Variants in MAP3K3 observed in about 807,000 individuals in gnomAD.
MAP3K3 encodes MAP/ERK kinase kinase 3.
MAP3K3 carries 12 observed loss-of-function variants against 80.9 expected under a neutral mutation model. The ratio of observed to expected loss-of-function variants is 0.15; its 90% CI spans 0.10 to 0.24. MAP3K3 has a LOEUF of 0.24. MAP3K3 is among the 10% of genes least tolerant of loss of function. The pLI is 1.00. For synonymous variants in MAP3K3, 272 were observed against 307.1 expected, an observed-to-expected ratio of 0.89 and a Z score of 1.19; for missense variants, 596 against 834.7, an observed-to-expected ratio of 0.71 and a Z score of 3.52.
chr17:63,626,665 C>A (rs1397797452), intron 1 of MAP3K3, among the ~76,000 whole-genome samples: 1 of 152,190 alleles, frequency 6.6e-6, no homozygotes, highest in East Asian at 1.9e-4. Flanking sequence ...ATTGCATATA[C>A]TCATTGTAAA....
At chr17:63,675,702 T>A (rs2035205009) in intron 6 of MAP3K3, among the ~76,000 whole-genome samples, 1 of 152,228 alleles carries the variant, frequency 6.6e-6, no homozygotes, top group African/African-American at 2.4e-5. Flanking sequence ...ACAGTGGAAC[T>A]GCTACTGTGC....
At chr17:63,669,356 C>G (rs1440640889) in intron 6 of MAP3K3, among the ~76,000 whole-genome samples, 4 of 152,108 alleles carry the variant, frequency 2.6e-5, no homozygotes, top group Non-Finnish European at 5.9e-5. Context: ...AGAAAGGATG[C>G]CTGGGTGTTT....
intron 4 of MAP3K3, among the ~76,000 whole-genome samples, chr17:63,656,166 G>C (rs919301595): frequency 8.6e-5 from 13 of 151,934 alleles, no homozygotes; most frequent in African/African-American, 3.1e-4. Flanking sequence ...GGAGGCGGAG[G>C]TTGCTGTGAG....
chr17:63,691,263 C>T lies in MAP3K3; in HGVS notation c.1344+30C>T, dbSNP rs748062558. The T allele has an allele frequency of 1.2e-6, 2 of 1,613,704 alleles. No homozygotes were observed. Among genetic ancestry groups the T allele is most frequent in the East Asian group, 4.5e-5 (2 of 44,884 alleles). On this transcript the variant is annotated intron_variant, in intron 13 of 15. Transcript: ENST00000361733. The surrounding 1 kb of genome is among the most constrained non-coding windows in gnomAD (Gnocchi z 4.8). ...GTGCCCCTTGAATGCATGTGAGACA[C>T]ACACAAAAGAGGGCCTGACCTGGGG...
intron 2 of MAP3K3, among the ~76,000 whole-genome samples, chr17:63,635,639 G>A (rs1193728581): frequency 6.6e-6 from 1 of 152,178 alleles, no homozygotes; most frequent in African/African-American, 2.4e-5. Flanking sequence ...GGTATTTATA[G>A]CCTAGTATAA....
Position 63,689,868 on chromosome 17 carries a change from A to G in MAP3K3, c.1063+133A>G. 1.2e-6 allele frequency: 1 copy of G among 805,682 alleles called. No individual in the cohort carries two copies. The highest frequency in any genetic ancestry group is 1.9e-6 in the Non-Finnish European group (1 of 516,180). The allele number at this position is 805,682 out of a possible 1,614,324, so 49.9% of individuals were successfully genotyped here. ...TTGGCCCAAATGCACCACATGGGAT[A>G]AGCCTTGGAGTGTCTGAAGCCTGGC... On this transcript the variant is annotated intron_variant, in intron 11 of 15. Transcript: ENST00000361733. This position sits in a 1 kb window ranked among gnomAD's most constrained non-coding sequence, Gnocchi z 4.3.
rs142765877 is a variant in MAP3K3, at chr17:63,637,650, G to A, written c.126+4848G>A. Among the ~76,000 whole-genome samples, 29 of 152,318 alleles carry A rather than the reference G, an allele frequency of 1.9e-4. No homozygotes were observed. The East Asian group carries it at 5.6e-3, about 29-fold the overall frequency. ...AACTACAACTGTCCATAGTGTTGTG[G>A]AACTGAAAGGATTAAGGTTTTTCTC... On this transcript the variant is annotated intron_variant, in intron 2 of 15. Coordinates refer to ENST00000361733, the MANE Select transcript of MAP3K3 (RefSeq NM_002401.5).
chr17:63,645,924 C>T (rs2034532224), intron 2 of MAP3K3, 110 bp from the exon 3 acceptor site: 1 of 769,364 alleles, frequency 1.3e-6, no homozygotes, highest in Non-Finnish European at 2.3e-6. Context: ...CAGGAGCCAT[C>T]AGGGATGTAT....
chr17:63,692,208 C>T lies in MAP3K3; in HGVS notation c.1475-34C>T. The T allele has an allele frequency of 6.2e-7, 1 of 1,612,088 alleles. No individual in the cohort carries two copies. The highest frequency in any genetic ancestry group is 8.5e-7 in the Non-Finnish European group (1 of 1,179,174). ...AGGATGGGAGAAAATGCAAGAGGGTCCAGGGTTGCAGCCTCTGCCCTTTCA... is the reference window on the plus strand; with the variant it reads ...AGGATGGGAGAAAATGCAAGAGGGTTCAGGGTTGCAGCCTCTGCCCTTTCA... On this transcript the variant is annotated intron_variant, in intron 14 of 15. Coordinates refer to ENST00000361733, the MANE Select transcript of MAP3K3 (RefSeq NM_002401.5). This position sits in a 1 kb window ranked among gnomAD's most constrained non-coding sequence, Gnocchi z 4.5.
chr17:63,656,422 G>C (rs1295626407), intron 4 of MAP3K3, among the ~76,000 whole-genome samples: 1 of 150,982 alleles, frequency 6.6e-6, no homozygotes, highest in Non-Finnish European at 1.5e-5. Flanking sequence ...GACCAATATG[G>C]CAAAACCCAG....
intron 12 of MAP3K3, among the ~76,000 whole-genome samples, chr17:63,690,817 C>T (rs919598937): frequency 6.6e-6 from 1 of 152,174 alleles, no homozygotes; most frequent in African/African-American, 2.4e-5. Flanking sequence ...CTTTCAACGT[C>T]GCTTATACTT....
chr17:63,625,508 G>T (rs1485322942), intron 1 of MAP3K3, among the ~76,000 whole-genome samples: 2 of 152,156 alleles, frequency 1.3e-5, no homozygotes, highest in African/African-American at 4.8e-5. Context: ...GGAAACTATA[G>T]TGAATGGAGT....
intron 1 of MAP3K3, among the ~76,000 whole-genome samples, chr17:63,629,664 A>G (rs1392498359): frequency 6.6e-6 from 1 of 152,230 alleles, no homozygotes; most frequent in Admixed American, 6.5e-5. Context: ...CTGAAGTATC[A>G]GTTGAAGAAC....
intron 2 of MAP3K3, among the ~76,000 whole-genome samples, chr17:63,633,329 T>G (rs1402682187): frequency 1.3e-5 from 2 of 152,222 alleles, no homozygotes; most frequent in Non-Finnish European, 2.9e-5. Flanking sequence ...GGGACAGTAT[T>G]CATATTCGTT....
intron 6 of MAP3K3, among the ~76,000 whole-genome samples, chr17:63,673,574 T>C (rs1021337002): frequency 1.3e-5 from 2 of 152,172 alleles, no homozygotes; most frequent in African/African-American, 4.8e-5. Context: ...TTTTCCATGA[T>C]ACATTGGGTG....
At chr17:63,636,865 C>T in intron 2 of MAP3K3, 2 of 385,592 alleles carry the variant, frequency 5.2e-6, no homozygotes, top group South Asian at 6.6e-5. Context: ...CTCCATCCCG[C>T]TGGACATCAA....
chr17:63,673,410 A>AC (rs1351900189), intron 6 of MAP3K3, among the ~76,000 whole-genome samples: 4 of 152,078 alleles, frequency 2.6e-5, no homozygotes, highest in African/African-American at 9.7e-5. Context: ...AAACAAACAA[A>AC]AAAAACCCTA....
Position 63,692,228 on chromosome 17 carries a change from C to T in MAP3K3, c.1475-14C>T, listed in dbSNP as rs757112592. The T allele has an allele frequency of 1.2e-6, 2 of 1,613,586 alleles. No homozygotes were observed. Among genetic ancestry groups the T allele is most frequent in the South Asian group, 2.2e-5 (2 of 91,066 alleles). On this transcript the variant is annotated splice_polypyrimidine_tract_variant and intron_variant, in intron 14 of 15. Coordinates refer to ENST00000361733, the MANE Select transcript of MAP3K3 (RefSeq NM_002401.5). This position sits in a 1 kb window ranked among gnomAD's most constrained non-coding sequence, Gnocchi z 4.5. ...AGGGTCCAGGGTTGCAGCCTCTGCC[C>T]TTTCATGCCTCAGGAGCCAACATCC...
rs749494387 is a variant in MAP3K3 at position 63,691,150 on chromosome 17, C to A, written c.1261C>A (p.His421Asn). ...GATCCAGTTGCTAAAGAACTTGCAG[C>A]ATGAGCGCATCGTGCAGTACTATGG... ...CEIQLLKNLQ[H>N]ERIVQYYGCL... Residue 421 changes from histidine to asparagine, a missense_variant, in exon 13 of 16, where the codon CAT becomes AAT. His to Asn is a moderately conservative substitution (Grantham distance 68). Transcript: ENST00000361733. This position sits in a 1 kb window ranked among gnomAD's most constrained non-coding sequence, Gnocchi z 4.8. The A allele has an allele frequency of 1.2e-6, 2 of 1,614,212 alleles. No homozygotes were observed. Among genetic ancestry groups the A allele is most frequent in the Non-Finnish European group, 1.7e-6 (2 of 1,180,032 alleles).
Sources: gnomAD v4.1 joint callset for allele counts (sites outside exome capture counted in the v4.1 genomes callset) on GRCh38, gnomAD v4.1.1 for gene constraint, Gnocchi (gnomAD v3.1) non-coding constraint, MANE v1.5 for transcripts, NCBI Gene and HGNC (gene_info 2026-07-23, HGNC 2026-07-21) for gene names.